FRMD4A: variants seen among roughly 807,000 people sequenced by gnomAD.
The protein encoded by FRMD4A is FERM domain containing 4A, also known as FERM domain-containing protein 4A.
A neutral mutation model predicts 129.1 loss-of-function variants in FRMD4A; 29 were observed. That is an observed-to-expected ratio of 0.22 (90% CI 0.17 to 0.31). The LOEUF (loss-of-function observed/expected upper bound fraction) is 0.31. Ranked by LOEUF, FRMD4A falls within the 10% of genes least tolerant of loss-of-function variation. FRMD4A has a pLI of 1.00. For synonymous variants in FRMD4A, 634 were observed against 571.6 expected (o/e 1.11, Z -1.56); for missense variants, 1,272 against 1,375.8 (o/e 0.92, Z 1.19).
At chr10:13,760,193 G>A (rs1165624621) in intron 8 of FRMD4A, among the ~76,000 whole-genome samples, 4 of 151,392 alleles carry the variant, frequency 2.6e-5, no homozygotes, top group Non-Finnish European at 5.9e-5. Flanking sequence ...TTGTGTAATT[G>A]AAACAGAGAT....
At chr10:14,015,630 G>C (rs1177189700) in intron 2 of FRMD4A, among the ~76,000 whole-genome samples, 2 of 152,106 alleles carry the variant, frequency 1.3e-5, no homozygotes, top group African/African-American at 2.4e-5. Flanking sequence ...CACTGCCCAT[G>C]CTCTTCTTGT....
chr10:13,968,054 G>T (rs1354805281), intron 2 of FRMD4A, among the ~76,000 whole-genome samples: 1 of 152,112 alleles, frequency 6.6e-6, no homozygotes, highest in Non-Finnish European at 1.5e-5. Context: ...ATTTAAAGTG[G>T]CTCCCCAGTG....
chr10:14,246,073 C>T (rs1184993093), intron 2 of FRMD4A, among the ~76,000 whole-genome samples: 4 of 152,300 alleles, frequency 2.6e-5, no homozygotes, highest in South Asian at 2.1e-4. Flanking sequence ...CCTGCTACTG[C>T]GAGGGGCTCC....
chr10:14,184,520 C>A (rs945302754), intron 2 of FRMD4A, among the ~76,000 whole-genome samples: 1 of 151,802 alleles, frequency 6.6e-6, no homozygotes, highest in Non-Finnish European at 1.5e-5. Flanking sequence ...ACTACTTCTC[C>A]AATGTTAAAA....
At position 13,905,895 on chromosome 10, in the gene FRMD4A, G is replaced by A. The variant is rs139126671; in HGVS notation, c.46-46983C>T. Among the ~76,000 whole-genome samples, 42 of 152,318 alleles carry A rather than the reference G, an allele frequency of 2.8e-4. No individual in the cohort carries two copies. The East Asian group carries it at 6.9e-3, about 25-fold the overall frequency. ...GTCTCAGATTGGTTTCTGGAGGAGC[G>A]GAGGGGAACCTTGAGGAAAGAATTG... On this transcript the variant is annotated intron_variant, in intron 2 of 24. Transcript: ENST00000357447.
chr10:14,167,912 G>A (rs1210581747), intron 2 of FRMD4A, among the ~76,000 whole-genome samples: 6 of 152,166 alleles, frequency 3.9e-5, no homozygotes, highest in South Asian at 4.1e-4. Context: ...GAGGGTAGAC[G>A]CAGTGTTTCT....
intron 2 of FRMD4A, among the ~76,000 whole-genome samples, chr10:14,075,039 A>T (rs1448714148): frequency 2.0e-5 from 3 of 152,224 alleles, no homozygotes; most frequent in African/African-American, 7.2e-5. Context: ...TATGAATTAA[A>T]AAAGCAAGCA....
chr10:14,329,310 C>A (rs1564469288), intron 2 of FRMD4A, among the ~76,000 whole-genome samples: 2 of 152,196 alleles, frequency 1.3e-5, no homozygotes, highest in Admixed American at 6.5e-5. Context: ...GAGAGAGATG[C>A]AAAACCATGG....
chr10:14,220,811 TTTGTGTG>T (rs1564396397), intron 2 of FRMD4A, among the ~76,000 whole-genome samples: 19 of 112,690 alleles, frequency 1.7e-4, no homozygotes, highest in South Asian at 1.2e-3. Flanking sequence ...TGTGTGTGTG[TTTGTGTG>T]TGTGTGTGTG....
chr10:13,984,970 A>T (rs536246390), intron 2 of FRMD4A, among the ~76,000 whole-genome samples: 1 of 152,252 alleles, frequency 6.6e-6, no homozygotes, highest in African/African-American at 2.4e-5. Flanking sequence ...CCCACCTACT[A>T]TTTCTGCCAC....
At chr10:13,996,177 G>C (rs2095621898) in intron 2 of FRMD4A, among the ~76,000 whole-genome samples, 1 of 152,150 alleles carries the variant, frequency 6.6e-6, no homozygotes, top group Admixed American at 6.5e-5. Flanking sequence ...GTCTCCCAAA[G>C]GCCCCATCTC....
rs376048648 is a variant in FRMD4A at position 13,916,862 on chromosome 10, AAAAG to A, written c.46-57954_46-57951del. On this transcript the variant is annotated intron_variant, in intron 2 of 24. Transcript: ENST00000357447. The stretch of plus-strand genomic sequence containing the variant: ...AAACATTCTACTCATTTCCCCCCAA[AAAAG>A]AAAGAAACAGAAGAAAAAGATAATC... Among the ~76,000 whole-genome samples the A allele has an allele frequency of 6.6e-4, 101 of 152,310 alleles. 1 individual carries two copies. Among genetic ancestry groups the A allele is most frequent in the African/African-American group, 2.4e-3 (101 of 41,578 alleles).
chr10:13,890,716 C>G lies in FRMD4A; in HGVS notation c.46-31804G>C, dbSNP rs2131161464. ...TGCTCCATTCATAGGGGAGCCAGAG[C>G]CGCATCCATTCATGGTGGGGTCAGG... On this transcript the variant is annotated intron_variant, in intron 2 of 24. Transcript: ENST00000357447. 3.0e-6 allele frequency: 3 copies of G among 985,378 alleles called. No homozygotes were observed. In the South Asian group the frequency reaches 1.4e-4, roughly 46 times the overall value. The allele number at this position is 985,378 out of a possible 1,614,324, so 61.0% of individuals were successfully genotyped here. A position where few individuals can be genotyped will look rare whatever the true frequency, so the allele number is the denominator to read the frequency against.
chr10:13,802,918 T>C (rs1231143391), intron 4 of FRMD4A, among the ~76,000 whole-genome samples: 1 of 152,052 alleles, frequency 6.6e-6, no homozygotes, highest in African/African-American at 2.4e-5. Flanking sequence ...GAGGTCAAGG[T>C]GCGCTGATTA....
chr10:13,657,746 T>C (rs977059910), intron 21 of FRMD4A, among the ~76,000 whole-genome samples: 16 of 150,146 alleles, frequency 1.1e-4, no homozygotes, highest in African/African-American at 3.9e-4. Flanking sequence ...CAGTGGGAAG[T>C]GGGACTGAAG....
chr10:13,751,721 C>CA (rs1564742204), intron 8 of FRMD4A, among the ~76,000 whole-genome samples: 7 of 152,050 alleles, frequency 4.6e-5, no homozygotes, highest in Admixed American at 2.0e-4. Flanking sequence ...TAGAAAAATG[C>CA]AAAAAAGAGC....
chr10:13,725,240 G>C (rs906946714), intron 12 of FRMD4A, among the ~76,000 whole-genome samples: 16 of 152,338 alleles, frequency 1.1e-4, no homozygotes, highest in African/African-American at 3.6e-4. Flanking sequence ...AGAATTGTGA[G>C]GTGTCTTGAC....
chr10:14,107,012 T>C (rs1443619201), intron 2 of FRMD4A, among the ~76,000 whole-genome samples: 1 of 152,326 alleles, frequency 6.6e-6, no homozygotes, highest in African/African-American at 2.4e-5. Flanking sequence ...TGGAATACTA[T>C]GCAGCCATGA....
intron 12 of FRMD4A, among the ~76,000 whole-genome samples, chr10:13,708,897 T>A (rs979096576): frequency 7.2e-5 from 11 of 152,236 alleles, no homozygotes; most frequent in African/African-American, 2.7e-4. Flanking sequence ...CTGGGGGCAG[T>A]ACACTGAGCA....
Sources: allele counts gnomAD v4.1 joint callset (sites outside exome capture counted in the v4.1 genomes callset), GRCh38; gene constraint gnomAD v4.1.1; transcripts MANE v1.5; gene names NCBI Gene and HGNC (gene_info 2026-07-23, HGNC 2026-07-21).